Variants in ERBIN observed in about 807,000 individuals in gnomAD.
The protein encoded by ERBIN is densin-180-like protein.
Under a neutral mutation model 158.4 loss-of-function variants are expected in ERBIN, and 60 were observed. The observed-to-expected ratio is 0.38, with a 90% CI of 0.31 to 0.47. The LOEUF (loss-of-function observed/expected upper bound fraction) is 0.47. ERBIN is among the 20% of genes least tolerant of loss of function. The pLI, the probability that ERBIN is intolerant of heterozygous loss-of-function variation, is 0.99. For synonymous variants in ERBIN, 594 were observed against 557.2 expected (o/e 1.07, Z -0.93); for missense variants, 1,610 against 1,648.0 (o/e 0.98, Z 0.40).
intron 21 of ERBIN, among the ~76,000 whole-genome samples, chr5:66,064,295 TATTTTGAGAAC>T (rs1256640568): frequency 7.2e-5 from 11 of 152,190 alleles, no homozygotes; most frequent in African/African-American, 2.4e-4. Context: ...ATTAAAGATG[TATTTTGAGAAC>T]ATTTGATAAT....
Position 66,005,049 on chromosome 5 carries a change from G to A in ERBIN, c.308-7000G>A, listed in dbSNP as rs6896048. Among the ~76,000 whole-genome samples the A allele has an allele frequency of 1.4e-3, 210 of 152,254 alleles. 2 individuals are homozygous for A. The highest frequency in any genetic ancestry group is 4.8e-3 in the African/African-American group (199 of 41,532). On this transcript the variant is annotated intron_variant, in intron 4 of 25. Transcript: ENST00000284037. ...GAAAGTTTTGAATAGATAATTCAGA[G>A]CATGATGTGACTTGTGTTTAAGTTT...
intron 4 of ERBIN, among the ~76,000 whole-genome samples, chr5:66,009,951 T>A (rs1233188932): frequency 6.6e-6 from 1 of 152,160 alleles, no homozygotes. Flanking sequence ...AATGAATTAG[T>A]AGTCCGAAAA....
At chr5:66,027,064 A>T (rs1360687035) in intron 13 of ERBIN, among the ~76,000 whole-genome samples, 3 of 151,972 alleles carry the variant, frequency 2.0e-5, no homozygotes, top group African/African-American at 7.2e-5. Flanking sequence ...AAACATACTA[A>T]TGATGATTAA....
chr5:66,045,858 T>G (rs904179417), intron 17 of ERBIN, among the ~76,000 whole-genome samples: 5 of 152,236 alleles, frequency 3.3e-5, no homozygotes, highest in African/African-American at 1.2e-4. Context: ...TCATTTTAAA[T>G]GTAATTGCAA....
intron 2 of ERBIN, 87 bp from the exon 3 acceptor site, chr5:65,992,623 T>C (rs894028656): frequency 1.2e-5 from 12 of 991,724 alleles, no homozygotes; most frequent in Non-Finnish European, 1.6e-5. Context: ...ATCTGTGACA[T>C]ATGAATTGTG....
intron 23 of ERBIN, chr5:66,076,092 T>G (rs1761964156): frequency 2.0e-6 from 1 of 489,328 alleles, no homozygotes; most frequent in Non-Finnish European, 3.6e-6. Context: ...AGCAATAAAA[T>G]TAGGAGCTAT....
chr5:65,985,185 C>G (rs1751087223), intron 1 of ERBIN, among the ~76,000 whole-genome samples: 1 of 152,194 alleles, frequency 6.6e-6, no homozygotes, highest in Admixed American at 6.5e-5. Flanking sequence ...CCTGTGCCTC[C>G]CAGGTTCAAG....
At chr5:66,047,151 G>A (rs1159727976) in intron 18 of ERBIN, among the ~76,000 whole-genome samples, 1 of 151,880 alleles carries the variant, frequency 6.6e-6, no homozygotes, top group African/African-American at 2.4e-5. Flanking sequence ...TTTGGCCCTA[G>A]GCAACCAAAA....
At position 66,021,675 on chromosome 5, in the gene ERBIN, G is replaced by T. The variant is rs190291029; in HGVS notation, c.597+290G>T. Among the ~76,000 whole-genome samples, 6 of 152,192 alleles carry T rather than the reference G, an allele frequency of 3.9e-5. No homozygotes were observed. The East Asian group carries it at 1.2e-3, about 29-fold the overall frequency. ...AGAAAATTTGAGTGATTATAAGTGG[G>T]AAACATCAGTCTGGAATGCAGCAGG... On this transcript the variant is annotated intron_variant, in intron 8 of 25. Transcript: ENST00000284037.
Position 66,023,041 on chromosome 5 carries a change from C to G in ERBIN, c.598-249C>G, listed in dbSNP as rs182799272. 8.5e-5 allele frequency: 28 copies of G among 329,052 alleles called. No individual in the cohort carries two copies. In the East Asian group the frequency reaches 1.5e-3, roughly 18 times the overall value. 20.4% of individuals were successfully genotyped at this position (329,052 alleles called of 1,614,324 possible). ...AAAGCTTAAATGTGTTTTTTGTAAT[C>G]TACTGCTATGGCATGTCTCTTTGAT... On this transcript the variant is annotated intron_variant, in intron 8 of 25. Transcript: ENST00000284037.
At chr5:66,013,495 T>TA in intron 5 of ERBIN, 54 bp from the exon 6 acceptor site, 2 of 1,232,062 alleles carry the variant, frequency 1.6e-6, no homozygotes, top group East Asian at 4.6e-5. Flanking sequence ...TAGATTTTAA[T>TA]AAAAGACTGA....
At chr5:66,006,321 G>T (rs1753592944) in intron 4 of ERBIN, among the ~76,000 whole-genome samples, 1 of 152,174 alleles carries the variant, frequency 6.6e-6, no homozygotes, top group African/African-American at 2.4e-5. Context: ...AAATGGTGCT[G>T]GGAAAACTGG....
chr5:65,951,108 G>A (rs773118387), intron 1 of ERBIN, among the ~76,000 whole-genome samples: 15 of 152,228 alleles, frequency 9.9e-5, no homozygotes, highest in Non-Finnish European at 1.5e-4. Flanking sequence ...GTGACACGCC[G>A]GTGGAAGCCC....
At chr5:66,027,967 T>C (rs1406570112) in intron 13 of ERBIN, among the ~76,000 whole-genome samples, 1 of 152,120 alleles carries the variant, frequency 6.6e-6, no homozygotes, top group African/African-American at 2.4e-5. Flanking sequence ...CCTTAATGTG[T>C]TCTTTTCTCT....
chr5:66,072,076 A>G, intron 21 of ERBIN, 93 bp from the exon 22 acceptor site: 1 of 1,341,688 alleles, frequency 7.5e-7, no homozygotes, highest in Middle Eastern at 1.9e-4. Flanking sequence ...ACTATTTGGC[A>G]ATATTTTTTC....
At chr5:65,942,456 C>T (rs1380244868) in intron 1 of ERBIN, among the ~76,000 whole-genome samples, 3 of 152,312 alleles carry the variant, frequency 2.0e-5, no homozygotes, top group Middle Eastern at 6.8e-3. Flanking sequence ...CCTGGTTTTC[C>T]ATCTTCTCTT....
chr5:66,051,104 A>G, intron 20 of ERBIN, 138 bp downstream of exon 20: 1 of 541,144 alleles, frequency 1.8e-6, no homozygotes, highest in Non-Finnish European at 3.1e-6. Context: ...CCCCATTTTT[A>G]TTGCTGATTT....
At chr5:66,028,420 C>A (rs992598702) in intron 14 of ERBIN, 77 bp downstream of exon 14, 4 of 1,083,948 alleles carry the variant, frequency 3.7e-6, no homozygotes, top group South Asian at 1.4e-5. Context: ...TACATAGGGT[C>A]ATTTAAGAGC....
intron 4 of ERBIN, among the ~76,000 whole-genome samples, chr5:66,005,155 C>CTGAGGTGATAGTGATGGACATA (rs1425985432): frequency 9.9e-5 from 15 of 152,072 alleles, no homozygotes; most frequent in Non-Finnish European, 1.8e-4. Flanking sequence ...TTTCAGTCAT[C>CTGAGGTGATAGTGATGGACATA]TGAGGTGATA....
Sources: allele counts gnomAD v4.1 joint callset (sites outside exome capture counted in the v4.1 genomes callset), GRCh38; gene constraint gnomAD v4.1.1; transcripts MANE v1.5; gene names NCBI Gene and HGNC (gene_info 2026-07-23, HGNC 2026-07-21).